The following EIF1AX variants were observed in gnomAD, a reference collection of about 807,000 sequenced individuals.
EIF1AX encodes eukaryotic translation initiation factor 1A X-linked, also known as eukaryotic translation initiation factor 1A, X-chromosomal.
A neutral mutation model predicts 16.1 loss-of-function variants in EIF1AX; 1 was observed. The observed-to-expected ratio is 0.06, with a 90% CI of 0.02 to 0.30. The LOEUF (loss-of-function observed/expected upper bound fraction) is 0.30. Ranked by LOEUF, EIF1AX falls within the 10% of genes least tolerant of loss-of-function variation. The pLI is 1.00. For missense variants in EIF1AX, 11 were observed against 109.1 expected, an observed-to-expected ratio of 0.10 and a Z score of 4.00; for synonymous variants, 32 against 37.3, an observed-to-expected ratio of 0.86 and a Z score of 0.51.
At chrX:20,132,451 T>C (rs1172993793) in intron 4 of EIF1AX, among the ~76,000 whole-genome samples, 188 bp from the exon 5 acceptor site, 1 of 111,947 alleles carries the variant, frequency 8.9e-6, no homozygotes. Flanking sequence ...AGGAAGCTTA[T>C]GTACATGCCT....
chrX:20,134,719 C>G (rs1475980141), intron 3 of EIF1AX, among the ~76,000 whole-genome samples: 1 of 108,313 alleles, frequency 9.2e-6, no homozygotes, highest in African/African-American at 3.4e-5. Flanking sequence ...GCCTGGATGA[C>G]AGAGTGAGAC....
At chrX:20,128,876 C>T (rs1445336358) in intron 6 of EIF1AX, among the ~76,000 whole-genome samples, 5 of 110,918 alleles carry the variant, frequency 4.5e-5, no homozygotes, top group African/African-American at 1.3e-4. Flanking sequence ...GATTCTCAAC[C>T]CATTATCTTG....
rs749404893 is a variant in EIF1AX, at chrX:20,135,718, G to A, written c.204+20C>T. ...CCCCCTTAACCAATTTTATATTAAA[G>A]TAAAACAAATCACACCTACCTTTTT... is the stretch of plus-strand genomic sequence containing the variant. On this transcript the variant is annotated intron_variant, in intron 3 of 6. Transcript: ENST00000379607. The A allele has an allele frequency of 3.5e-6, 4 of 1,131,739 alleles. No homozygotes were observed. The highest frequency in any genetic ancestry group is 4.9e-6 in the Non-Finnish European group (4 of 824,634). The allele number at this position is 1,131,739 out of a possible 1,213,427, so 93.3% of individuals were successfully genotyped here.
chrX:20,129,700 C>A (rs2066995256), intron 6 of EIF1AX, among the ~76,000 whole-genome samples: 3 of 112,235 alleles, frequency 2.7e-5, no homozygotes, highest in South Asian at 7.3e-4. Context: ...CAACAGTACA[C>A]ACCCAACAGC....
At position 20,136,771 on chromosome X, in the gene EIF1AX, C is replaced by A. The variant is rs748062059; in HGVS notation, c.101-930G>T. Reference sequence around the variant, plus strand: ...ACATGGTTGGTCAACTCAAAGGCAGCCTTTCTTCTGAAGTGAGGGAAAAAG... The same window carrying A: ...ACATGGTTGGTCAACTCAAAGGCAGACTTTCTTCTGAAGTGAGGGAAAAAG... On this transcript the variant is annotated intron_variant, in intron 2 of 6. Transcript: ENST00000379607. Among the ~76,000 whole-genome samples the A allele has an allele frequency of 1.5e-3, 170 of 111,651 alleles. 1 individual carries two copies. Among genetic ancestry groups the A allele is most frequent in the Middle Eastern group, 9.2e-3 (2 of 218 alleles).
intron 3 of EIF1AX, among the ~76,000 whole-genome samples, chrX:20,135,413 T>C (rs953999856): frequency 1.8e-5 from 2 of 109,727 alleles, no homozygotes; most frequent in African/African-American, 6.7e-5. Context: ...GCCACTACTC[T>C]ACAGGCTGGG....
chrX:20,128,371 C>T, intron 6 of EIF1AX, 60 bp from the exon 7 acceptor site: 1 of 1,043,934 alleles, frequency 9.6e-7, no homozygotes, highest in Non-Finnish European at 1.3e-6. Context: ...CAACAGTCTA[C>T]TCCATATATA....
At chrX:20,139,589 C>G (rs1013393236) in intron 1 of EIF1AX, among the ~76,000 whole-genome samples, 6 of 111,290 alleles carry the variant, frequency 5.4e-5, no homozygotes, top group Non-Finnish European at 1.1e-4. Flanking sequence ...GAAAGGAAAC[C>G]ACATTGGCAG....
rs1603414850 is a variant in EIF1AX, at chrX:20,127,968, G to A, written c.*338C>T. On this transcript the variant is annotated 3_prime_UTR_variant, in exon 7 of 7. Coordinates refer to ENST00000379607, the MANE Select transcript of EIF1AX (RefSeq NM_001412.4). ...CCAGGGCTTAATCAGATTCCGTGAG[G>A]ACAAGGCAAATGATTTCTTCAAAAC... The A allele has an allele frequency of 9.9e-6, 2 of 202,422 alleles. No homozygotes were observed. Among genetic ancestry groups the A allele is most frequent in the East Asian group, 1.5e-4 (2 of 13,029 alleles). 16.7% of individuals were successfully genotyped at this position (202,422 alleles called of 1,213,427 possible). A position where few individuals can be genotyped will look rare whatever the true frequency, so the allele number is the denominator to read the frequency against.
chrX:20,141,663 C>T lies in EIF1AX; in HGVS notation c.-23G>A, dbSNP rs779350042. 3 of 1,151,994 alleles carry T rather than the reference C, an allele frequency of 2.6e-6. No homozygotes were observed. Among genetic ancestry groups the T allele is most frequent in the East Asian group, 6.7e-5 (2 of 29,653 alleles). 94.9% of individuals were successfully genotyped at this position (1,151,994 alleles called of 1,213,427 possible). A position where few individuals can be genotyped will look rare whatever the true frequency, so the allele number is the denominator to read the frequency against. On this transcript the variant is annotated 5_prime_UTR_variant, in exon 1 of 7. Coordinates refer to ENST00000379607, the MANE Select transcript of EIF1AX (RefSeq NM_001412.4). ...CATGGCGGTGGCGGCGACCTCGCGG[C>T]GTCTCTGACTTCTTTCCGGGTAGCG...
rs2066981236 is a variant in EIF1AX at position 20,125,153 on chromosome X, A to C, written c.*3153T>G. Reference sequence around the variant, plus strand: ...TCACCTGCAGGTAGAGGGCCAAGTAAGGGTGGGGGCAAAGGCCCTTTGACC... The same window carrying C: ...TCACCTGCAGGTAGAGGGCCAAGTACGGGTGGGGGCAAAGGCCCTTTGACC... On this transcript the variant is annotated 3_prime_UTR_variant, in exon 7 of 7. Coordinates refer to ENST00000379607, the MANE Select transcript of EIF1AX (RefSeq NM_001412.4). 1.3e-5 allele frequency: 2 copies of C among 151,686 alleles called. No homozygotes were observed. The highest frequency in any genetic ancestry group is 2.6e-5 in the Non-Finnish European group (2 of 77,307). The allele number at this position is 151,686 out of a possible 1,213,427, so 12.5% of individuals were successfully genotyped here.
chrX:20,130,524 T>C lies in EIF1AX; in HGVS notation c.421A>G (p.Ile141Val). The C allele has an allele frequency of 1.7e-6, 2 of 1,190,399 alleles. No homozygotes were observed. Among genetic ancestry groups the C allele is most frequent in the Non-Finnish European group, 2.3e-6 (2 of 883,880 alleles). The stretch of plus-strand genomic sequence containing the variant: ...AAGGTACATCTACTTACGTCATCAA[T>C]ATCTTCATCATCATCTCCAATGTCA... ...FDDIGDDDEDIDDI is the reference protein window; with the variant it reads ...FDDIGDDDEDVDDI The change falls in exon 6 of 7, where the codon ATT becomes GTT. Residue 141 changes from isoleucine (I) to valine (V), a missense_variant. Coordinates refer to ENST00000379607, the MANE Select transcript of EIF1AX (RefSeq NM_001412.4).
rs1349058887 is a variant in EIF1AX at position 20,127,809 on chromosome X, G to A, written c.*497C>T. The A allele has an allele frequency of 6.7e-6, 1 of 149,138 alleles. No individual in the cohort carries two copies. The highest frequency in any genetic ancestry group is 1.3e-5 in the Non-Finnish European group (1 of 78,837). 12.3% of individuals were successfully genotyped at this position (149,138 alleles called of 1,213,427 possible). ...AAAATCAGTATAAAAATAGCCACAG[G>A]CTACTTAAATATGACAAACAGACTT... On this transcript the variant is annotated 3_prime_UTR_variant, in exon 7 of 7. Transcript: ENST00000379607.
Position 20,125,665 on chromosome X carries a change from C to G in EIF1AX, c.*2641G>C, listed in dbSNP as rs369352686. ...AAACATGCTTTTACCTATTTGATTA[C>G]TCAGAGTTACTCTGAAATCAATAAT... On this transcript the variant is annotated 3_prime_UTR_variant, in exon 7 of 7. Transcript: ENST00000379607. The G allele has an allele frequency of 2.2e-4, 35 of 162,352 alleles. No individual in the cohort carries two copies. The highest frequency in any genetic ancestry group is 2.1e-3 in the Middle Eastern group (1 of 485). 13.4% of individuals were successfully genotyped at this position (162,352 alleles called of 1,213,427 possible).
rs756670176 is a variant in EIF1AX at position 20,124,731 on chromosome X, A to C, written c.*3575T>G. ...AATAACTATAATCTTTTTCTAAAGA[A>C]ATATAGAACAGTTGGTATTTTGTAA... On this transcript the variant is annotated 3_prime_UTR_variant, in exon 7 of 7. Transcript: ENST00000379607. 5 of 141,376 alleles carry C rather than the reference A, an allele frequency of 3.5e-5. No homozygotes were observed. The highest frequency in any genetic ancestry group is 7.1e-5 in the Non-Finnish European group (5 of 70,650). The allele number at this position is 141,376 out of a possible 1,213,427, so 11.7% of individuals were successfully genotyped here.
chrX:20,137,624 T>C (rs773925794), intron 2 of EIF1AX, among the ~76,000 whole-genome samples: 1 of 111,872 alleles, frequency 8.9e-6, no homozygotes, highest in South Asian at 3.7e-4. Context: ...TAGTGCTATG[T>C]ATCTTGGTCT....
chrX:20,141,038 G>A (rs2067032385), intron 1 of EIF1AX, among the ~76,000 whole-genome samples: 1 of 111,467 alleles, frequency 9.0e-6, no homozygotes, highest in African/African-American at 3.3e-5. Context: ...TAAGTCTTCA[G>A]CAAACAAACA....
intron 1 of EIF1AX, among the ~76,000 whole-genome samples, chrX:20,141,264 G>A (rs2067033142): frequency 9.0e-6 from 1 of 111,586 alleles, no homozygotes; most frequent in Admixed American, 9.4e-5. Context: ...AACCCCTCAT[G>A]CCCGGGAAGG....
At chrX:20,138,965 G>A (rs1032336139) in intron 1 of EIF1AX, among the ~76,000 whole-genome samples, 7 of 112,211 alleles carry the variant, frequency 6.2e-5, no homozygotes, top group Non-Finnish European at 9.4e-5. Flanking sequence ...TCTTCTAAGC[G>A]GAAATCTTGG....
Sources: gnomAD v4.1 joint callset for allele counts (sites outside exome capture counted in the v4.1 genomes callset) on GRCh38, gnomAD v4.1.1 for gene constraint, MANE v1.5 for transcripts, NCBI Gene and HGNC (gene_info 2026-07-23, HGNC 2026-07-21) for gene names.